The following CSMD1 variants were observed in gnomAD, a reference collection of about 807,000 sequenced individuals.
CSMD1 encodes the protein CUB and sushi domain-containing protein 1.
CSMD1 carries 213 observed loss-of-function variants against 417.5 expected under a neutral mutation model. The ratio of observed to expected loss-of-function variants is 0.51; its 90% confidence interval spans 0.46 to 0.57. CSMD1 has a LOEUF of 0.57. Among genes scored for constraint, CSMD1 ranks in the 20% least tolerant of loss-of-function variants. The pLI is 0.00. For missense variants in CSMD1, 6,923 were observed against 4,529.7 expected, an observed-to-expected ratio of 1.53 and a Z score of -15.17; for synonymous variants, 2,862 against 1,736.8, an observed-to-expected ratio of 1.65 and a Z score of -16.11.
chr8:4,807,802 C>G (rs1312776258), intron 1 of CSMD1, among the ~76,000 whole-genome samples: 1 of 152,016 alleles, frequency 6.6e-6, no homozygotes, highest in African/African-American at 2.4e-5. Flanking sequence ...ATAATGGATC[C>G]ATAGAAGCCA....
At position 3,965,978 on chromosome 8, in the gene CSMD1, C is replaced by G. The variant is rs189911315; in HGVS notation, c.818+31925G>C. On this transcript the variant is annotated intron_variant, in intron 5 of 69. Coordinates refer to ENST00000635120, the MANE Select transcript of CSMD1 (RefSeq NM_033225.6). The stretch of plus-strand genomic sequence containing the variant: ...GGTCTTTTGAGAAAGCATAATTTAG[C>G]GAGAATAAAATGTTAATATGAAGCA... Among the ~76,000 whole-genome samples the G allele has an allele frequency of 2.0e-5, 3 of 151,964 alleles. No homozygotes were observed. In the East Asian group the frequency reaches 5.8e-4, roughly 29 times the overall value.
At chr8:3,225,549 G>C (rs951999017) in intron 27 of CSMD1, among the ~76,000 whole-genome samples, 2 of 152,112 alleles carry the variant, frequency 1.3e-5, no homozygotes, top group African/African-American at 2.4e-5. Context: ...GAGAAAGAAG[G>C]TACCTGAAGG....
intron 31 of CSMD1, among the ~76,000 whole-genome samples, chr8:3,203,535 T>C (rs187950198): frequency 6.6e-6 from 1 of 152,226 alleles, no homozygotes; most frequent in African/African-American, 2.4e-5. Context: ...AGAAATTATA[T>C]CAGCGAACGG....
rs184879004 is a variant in CSMD1, at chr8:4,133,852, G to C, written c.416-101753C>G. On this transcript the variant is annotated intron_variant, in intron 3 of 69. Transcript: ENST00000635120. ...GAAACACACACCTGCTTTGCAATCA[G>C]GGTTACACATATAAAGACAGGAAAT... Among the ~76,000 whole-genome samples the C allele has an allele frequency of 9.2e-5, 14 of 152,102 alleles. No individual in the cohort carries two copies. In the East Asian group the frequency reaches 2.5e-3, roughly 27 times the overall value.
chr8:4,387,109 T>C (rs2128921889), intron 3 of CSMD1, among the ~76,000 whole-genome samples: 1 of 152,300 alleles, frequency 6.6e-6, no homozygotes, highest in South Asian at 2.1e-4. Context: ...TTAGGATAAA[T>C]GGAAAGTTTC....
intron 3 of CSMD1, among the ~76,000 whole-genome samples, chr8:4,179,633 G>T (rs1408716417): frequency 6.6e-6 from 1 of 152,048 alleles, no homozygotes; most frequent in African/African-American, 2.4e-5. Flanking sequence ...CCATCAGAGT[G>T]AACAGGCAAC....
chr8:3,305,708 G>A (rs1584965319), intron 25 of CSMD1, among the ~76,000 whole-genome samples: 2 of 152,112 alleles, frequency 1.3e-5, no homozygotes, highest in South Asian at 4.2e-4. Context: ...TTGAGACACA[G>A]TCTCACTGTT....
At chr8:4,917,106 G>A (rs1443831616) in intron 1 of CSMD1, among the ~76,000 whole-genome samples, 2 of 152,200 alleles carry the variant, frequency 1.3e-5, no homozygotes, top group Non-Finnish European at 2.9e-5. Context: ...GGAGGCCTCA[G>A]TAAACTTACA....
At chr8:3,843,333 T>C (rs763333745) in intron 5 of CSMD1, among the ~76,000 whole-genome samples, 11 of 152,192 alleles carry the variant, frequency 7.2e-5, no homozygotes, top group Non-Finnish European at 1.5e-4. Flanking sequence ...ACGAAATCGT[T>C]TGAAGACTTT....
Position 2,962,453 on chromosome 8 carries a change from T to C in CSMD1, c.9628+13A>G, listed in dbSNP as rs746594834. On this transcript the variant is annotated intron_variant, in intron 61 of 69. Coordinates refer to ENST00000635120, the MANE Select transcript of CSMD1 (RefSeq NM_033225.6). ...ACTCCCAGGTATCCCCAGAGCTGTATGATAATTATTACCAATGCAGGTGGG... is the reference window on the plus strand; with the variant it reads ...ACTCCCAGGTATCCCCAGAGCTGTACGATAATTATTACCAATGCAGGTGGG... The C allele has an allele frequency of 5.6e-6, 9 of 1,609,930 alleles. No homozygotes were observed. Among genetic ancestry groups the C allele is most frequent in the East Asian group, 4.5e-5 (2 of 44,764 alleles).
chr8:3,439,812 C>A (rs1023284862), intron 12 of CSMD1, among the ~76,000 whole-genome samples: 1 of 151,932 alleles, frequency 6.6e-6, no homozygotes, highest in African/African-American at 2.4e-5. Context: ...GTCTATTATC[C>A]ATTTTGAGTA....
chr8:4,354,902 G>A (rs552475486), intron 3 of CSMD1, among the ~76,000 whole-genome samples: 1 of 148,746 alleles, frequency 6.7e-6, no homozygotes, highest in African/African-American at 2.5e-5. Context: ...GTGTGTGTGT[G>A]TGTGTGTTAA....
chr8:4,608,230 T>C (rs1585323688), intron 2 of CSMD1, among the ~76,000 whole-genome samples: 1 of 152,120 alleles, frequency 6.6e-6, no homozygotes. Context: ...TGGAAGCATT[T>C]TGAGCTGGAG....
At chr8:3,744,995 G>A (rs1486054307) in intron 6 of CSMD1, among the ~76,000 whole-genome samples, 1 of 152,132 alleles carries the variant, frequency 6.6e-6, no homozygotes, top group Non-Finnish European at 1.5e-5. Context: ...AGTAGCTGGG[G>A]CTGGGAGGCT....
At chr8:4,463,490 C>CA (rs1799965808) in intron 2 of CSMD1, among the ~76,000 whole-genome samples, 1 of 151,968 alleles carries the variant, frequency 6.6e-6, no homozygotes, top group Non-Finnish European at 1.5e-5. Flanking sequence ...TTCATAATTG[C>CA]AAAAAGTGGA....
chr8:3,576,731 A>G (rs898983077), intron 9 of CSMD1, among the ~76,000 whole-genome samples: 7 of 152,176 alleles, frequency 4.6e-5, no homozygotes, highest in African/African-American at 9.7e-5. Flanking sequence ...ATACACTAAT[A>G]TCTCACTCTC....
At chr8:4,377,626 G>A (rs771795614) in intron 3 of CSMD1, among the ~76,000 whole-genome samples, 1 of 152,030 alleles carries the variant, frequency 6.6e-6, no homozygotes, top group Non-Finnish European at 1.5e-5. Context: ...CAAAACTAGA[G>A]GTTCAATGAA....
intron 3 of CSMD1, among the ~76,000 whole-genome samples, chr8:4,363,038 C>G (rs1271568067): frequency 6.6e-6 from 1 of 152,160 alleles, no homozygotes; most frequent in African/African-American, 2.4e-5. Context: ...ACTTCTGCTA[C>G]TACGGAAGGG....
chr8:4,235,360 G>GTT (rs150464000), intron 3 of CSMD1, among the ~76,000 whole-genome samples: 120 of 148,672 alleles, frequency 8.1e-4, no homozygotes, highest in Admixed American at 2.3e-3. Flanking sequence ...GACGTGTTTT[G>GTT]TTTTTTTTTT....
Sources: allele counts gnomAD v4.1 joint callset (sites outside exome capture counted in the v4.1 genomes callset), GRCh38; gene constraint gnomAD v4.1.1; transcripts MANE v1.5; gene names NCBI Gene and HGNC (gene_info 2026-07-23, HGNC 2026-07-21).